The following DAB1 variants were observed in gnomAD, a reference collection of about 807,000 sequenced individuals.
The protein encoded by DAB1 is disabled homolog 1.
In DAB1, 15 loss-of-function variants were observed where a neutral mutation model predicts 64.6. The observed-to-expected ratio is 0.23, with a 90% CI of 0.16 to 0.36. The LOEUF (loss-of-function observed/expected upper bound fraction) is 0.36, where lower values mean the gene tolerates loss of function less well. Ranked by LOEUF, DAB1 falls within the 10% of genes least tolerant of loss-of-function variation. The probability of loss-of-function intolerance (pLI) is 1.00; values close to 1 mark genes in which losing one functional copy is unlikely to be tolerated. For synonymous variants in DAB1, 235 were observed against 251.9 expected (o/e 0.93, Z 0.64); for missense variants, 596 against 706.7 (o/e 0.84, Z 1.78).
chr1:58,157,320 CT>C (rs1228956527), intron 4 of DAB1, among the ~76,000 whole-genome samples: 7 of 152,190 alleles, frequency 4.6e-5, no homozygotes, highest in Non-Finnish European at 7.3e-5. Context: ...CTTCCTGCCC[CT>C]GGTGTGTGCC....
chr1:57,745,539 C>G (rs558090335), intron 6 of DAB1, among the ~76,000 whole-genome samples: 35 of 152,236 alleles, frequency 2.3e-4, no homozygotes, highest in Non-Finnish European at 3.8e-4. Flanking sequence ...GGAAAAAACC[C>G]TAGGCAACTG....
chr1:58,102,134 C>G (rs1444942032), intron 5 of DAB1, among the ~76,000 whole-genome samples: 1 of 152,246 alleles, frequency 6.6e-6, no homozygotes, highest in African/African-American at 2.4e-5. Context: ...TAAGTCACTT[C>G]TCCAAGGCTA....
At chr1:57,124,801 C>A (rs1656981495) in intron 4 of DAB1, among the ~76,000 whole-genome samples, 1 of 152,134 alleles carries the variant, frequency 6.6e-6, no homozygotes, top group Admixed American at 6.6e-5. Context: ...AATACAGAAG[C>A]TGCCTAGGGC....
At chr1:57,200,934 T>A (rs1293439306) in intron 2 of DAB1, among the ~76,000 whole-genome samples, 1 of 152,228 alleles carries the variant, frequency 6.6e-6, no homozygotes, top group Non-Finnish European at 1.5e-5. Flanking sequence ...TCCTTATTAC[T>A]TAGCCTAGAG....
intron 3 of DAB1, among the ~76,000 whole-genome samples, chr1:58,419,068 G>A (rs979177152): frequency 6.6e-5 from 10 of 152,192 alleles, no homozygotes; most frequent in Non-Finnish European, 1.3e-4. Flanking sequence ...GAGCCTATCG[G>A]ATCAGCCTTG....
rs78726979 is a variant in DAB1 at position 57,022,855 on chromosome 1, A to T, written c.895+676T>A. Among the ~76,000 whole-genome samples, 121 of 152,410 alleles carry T rather than the reference A, an allele frequency of 7.9e-4. 1 individual carries two copies. The East Asian group carries it at 0.023, about 29-fold the overall frequency. On this transcript the variant is annotated intron_variant, in intron 11 of 14. Transcript: ENST00000371236. The stretch of plus-strand genomic sequence containing the variant: ...TATTTGCAAGTACAGTGGCCTGGCC[A>T]CATGGAACGCCTCATGCCATGGAAA...
chr1:57,291,817 A>T (rs1233864121), intron 1 of DAB1, among the ~76,000 whole-genome samples: 1 of 152,220 alleles, frequency 6.6e-6, no homozygotes, highest in Non-Finnish European at 1.5e-5. Context: ...ATAAATGTGC[A>T]TTGAATAATA....
intron 5 of DAB1, among the ~76,000 whole-genome samples, chr1:58,127,493 G>C (rs1653194514): frequency 6.6e-6 from 1 of 151,390 alleles, no homozygotes; most frequent in Non-Finnish European, 1.5e-5. Flanking sequence ...TTTGGCTTTT[G>C]TTGCCATTGC....
chr1:58,197,760 C>T (rs1047546169), intron 4 of DAB1, among the ~76,000 whole-genome samples: 1 of 148,420 alleles, frequency 6.7e-6, no homozygotes, highest in Non-Finnish European at 1.5e-5. Flanking sequence ...ATGATCAAGA[C>T]CCTAGCAAAA....
chr1:57,603,957 T>C (rs771570673), intron 7 of DAB1, among the ~76,000 whole-genome samples: 10 of 152,226 alleles, frequency 6.6e-5, no homozygotes, highest in Non-Finnish European at 1.5e-4. Context: ...CAAATCCCTC[T>C]ATGAATGCTG....
chr1:57,447,533 G>A (rs1570529019), intron 7 of DAB1, among the ~76,000 whole-genome samples: 1 of 152,198 alleles, frequency 6.6e-6, no homozygotes, highest in East Asian at 1.9e-4. Context: ...TTTAGAGGAA[G>A]ATTTACTCCT....
chr1:57,652,333 C>T (rs1181271228), intron 6 of DAB1, among the ~76,000 whole-genome samples: 1 of 152,144 alleles, frequency 6.6e-6, no homozygotes, highest in Non-Finnish European at 1.5e-5. Flanking sequence ...GATTGCACCC[C>T]CAATCAATCA....
At chr1:57,979,298 G>A (rs1646002896) in intron 5 of DAB1, among the ~76,000 whole-genome samples, 1 of 152,108 alleles carries the variant, frequency 6.6e-6, no homozygotes, top group African/African-American at 2.4e-5. Context: ...ATCATTCTCA[G>A]CAAACTATCA....
intron 5 of DAB1, among the ~76,000 whole-genome samples, chr1:57,987,566 C>T (rs1447212930): frequency 6.6e-6 from 1 of 152,102 alleles, no homozygotes; most frequent in Non-Finnish European, 1.5e-5. Flanking sequence ...GGTATGAAAC[C>T]TTTTTGAATG....
At chr1:57,923,694 C>T (rs979009996) in intron 5 of DAB1, among the ~76,000 whole-genome samples, 4 of 152,116 alleles carry the variant, frequency 2.6e-5, no homozygotes, top group Non-Finnish European at 4.4e-5. Context: ...TCAATGTTGT[C>T]GTGGATATAA....
intron 1 of DAB1, among the ~76,000 whole-genome samples, chr1:57,401,417 C>A (rs1683232831): frequency 6.6e-6 from 1 of 152,132 alleles, no homozygotes; most frequent in East Asian, 1.9e-4. Context: ...GATACCTGCC[C>A]TTACAGGCTG....
chr1:57,303,500 CTCTT>C (rs1349817591), intron 1 of DAB1, among the ~76,000 whole-genome samples: 2 of 152,142 alleles, frequency 1.3e-5, no homozygotes, highest in East Asian at 3.9e-4. Flanking sequence ...TGCACAGTCT[CTCTT>C]TCAAGAATTT....
At chr1:58,235,713 A>G (rs1659995812) in intron 4 of DAB1, among the ~76,000 whole-genome samples, 1 of 152,200 alleles carries the variant, frequency 6.6e-6, no homozygotes, top group Non-Finnish European at 1.5e-5. Flanking sequence ...CACAGATATA[A>G]CAACAGCATC....
intron 4 of DAB1, among the ~76,000 whole-genome samples, chr1:58,189,529 C>A (rs1019012215): frequency 6.6e-6 from 1 of 152,220 alleles, no homozygotes; most frequent in Non-Finnish European, 1.5e-5. Context: ...CGATGTGCCA[C>A]TCAAGATGCA....
Sources: gnomAD v4.1 joint callset for allele counts (sites outside exome capture counted in the v4.1 genomes callset) on GRCh38, gnomAD v4.1.1 for gene constraint, MANE v1.5 for transcripts, NCBI Gene and HGNC (gene_info 2026-07-23, HGNC 2026-07-21) for gene names.